The following CLCN3 variants were observed in gnomAD, a reference collection of about 807,000 sequenced individuals.
CLCN3 encodes the protein H(+)/Cl(-) exchange transporter 3.
Under a neutral mutation model 83.4 loss-of-function variants are expected in CLCN3, and 16 were observed. The observed-to-expected ratio is 0.19, with a 90% confidence interval of 0.13 to 0.29. The LOEUF (loss-of-function observed/expected upper bound fraction) is 0.29, where lower values mean the gene tolerates loss of function less well. Ranked by LOEUF, CLCN3 falls within the 10% of genes least tolerant of loss-of-function variation. The probability of loss-of-function intolerance (pLI) is 1.00; values close to 1 mark genes in which losing one functional copy is unlikely to be tolerated. For synonymous variants in CLCN3, 322 were observed against 346.2 expected, an observed-to-expected ratio of 0.93 and a Z score of 0.78; for missense variants, 544 against 1,006.0, an observed-to-expected ratio of 0.54 and a Z score of 6.21.
intron 7 of CLCN3, among the ~76,000 whole-genome samples, chr4:169,694,266 A>G (rs1005307963): frequency 1.3e-4 from 20 of 152,308 alleles, no homozygotes; most frequent in African/African-American, 4.8e-4. Flanking sequence ...CTCTGTATAT[A>G]TTTACTCAGT....
chr4:169,650,994 T>G (rs1057444486), intron 2 of CLCN3, among the ~76,000 whole-genome samples: 17 of 152,168 alleles, frequency 1.1e-4, no homozygotes, highest in Admixed American at 6.5e-4. Context: ...AAGTTGGTAT[T>G]AATAATAAAC....
chr4:169,680,249 ATT>A, intron 3 of CLCN3, 42 bp downstream of exon 3: 1 of 1,401,592 alleles, frequency 7.1e-7, no homozygotes, highest in Non-Finnish European at 9.9e-7. Context: ...ATAGTGCATA[ATT>A]AGATCTTTTA....
At chr4:169,622,724 A>G (rs559986455) in intron 1 of CLCN3, among the ~76,000 whole-genome samples, 2 of 152,280 alleles carry the variant, frequency 1.3e-5, no homozygotes, top group African/African-American at 2.4e-5. Flanking sequence ...AACTTGCCCT[A>G]CAGTAACTGT....
chr4:169,632,716 CAAAAAAAAAA>C (rs559919032), intron 1 of CLCN3, among the ~76,000 whole-genome samples: 7 of 32,280 alleles, frequency 2.2e-4, no homozygotes, highest in Non-Finnish European at 3.8e-4. Flanking sequence ...GACTCCATCT[CAAAAAAAAAA>C]AAAAAAAAAA....
intron 7 of CLCN3, among the ~76,000 whole-genome samples, chr4:169,694,486 C>T (rs1732492039): frequency 6.6e-6 from 1 of 152,112 alleles, no homozygotes; most frequent in Non-Finnish European, 1.5e-5. Flanking sequence ...AACAATTGAC[C>T]ATTTGAAGAA....
chr4:169,621,200 G>C (rs761892966), intron 1 of CLCN3, 137 bp downstream of exon 1: 1 of 316,974 alleles, frequency 3.2e-6, no homozygotes, highest in Non-Finnish European at 5.7e-6. Context: ...CGTGAATTGG[G>C]ATGCTAACCC....
chr4:169,663,527 G>A (rs773886409), intron 2 of CLCN3: 17 of 288,648 alleles, frequency 5.9e-5, no homozygotes, highest in South Asian at 4.5e-4. Flanking sequence ...TTTTTTTTAG[G>A]GAGAGTCTCA....
chr4:169,672,411 A>G (rs1731504236), intron 2 of CLCN3, among the ~76,000 whole-genome samples: 1 of 152,024 alleles, frequency 6.6e-6, no homozygotes, highest in African/African-American at 2.4e-5. Flanking sequence ...AAGTGCTGGG[A>G]TTACAGGTGT....
chr4:169,641,140 A>G (rs1730402267), intron 2 of CLCN3, among the ~76,000 whole-genome samples: 1 of 152,186 alleles, frequency 6.6e-6, no homozygotes, highest in African/African-American at 2.4e-5. Flanking sequence ...CTGTAGTCCC[A>G]GCTGCTTGGG....
At chr4:169,638,060 A>G (rs1175422932) in intron 2 of CLCN3, among the ~76,000 whole-genome samples, 1 of 152,138 alleles carries the variant, frequency 6.6e-6, no homozygotes, top group Non-Finnish European at 1.5e-5. Context: ...CATAATCACC[A>G]ATATGTTTGG....
rs1162235231 is a variant in CLCN3 at position 169,642,325 on chromosome 4, A to G, written c.160+6237A>G. ...AAGAACCTGTTTAGTTAAATGATTC[A>G]AAGTGTTTATAAAACAAAAACCTAA... On this transcript the variant is annotated intron_variant, in intron 2 of 12. Coordinates refer to ENST00000513761, the MANE Select transcript of CLCN3 (RefSeq NM_001829.4). Among the ~76,000 whole-genome samples the G allele has an allele frequency of 3.9e-5, 6 of 152,186 alleles. No individual in the cohort carries two copies. In the East Asian group the frequency reaches 1.2e-3, roughly 29 times the overall value.
At chr4:169,659,058 G>T (rs1214514851) in intron 2 of CLCN3, among the ~76,000 whole-genome samples, 1 of 151,970 alleles carries the variant, frequency 6.6e-6, no homozygotes, top group African/African-American at 2.4e-5. Flanking sequence ...AGTTCGAGTG[G>T]ACCTTAGAGA....
intron 2 of CLCN3, among the ~76,000 whole-genome samples, chr4:169,668,043 A>ATTTTTTTTTTTTTTTTTT (rs60739106): frequency 2.4e-5 from 2 of 82,342 alleles, no homozygotes; most frequent in African/African-American, 4.8e-5. Context: ...CCGGCCAGAC[A>ATTTTTTTTTTTTTTTTTT]TTTTTTTTTT....
At chr4:169,669,567 G>A (rs192708365) in intron 2 of CLCN3, among the ~76,000 whole-genome samples, 1 of 152,310 alleles carries the variant, frequency 6.6e-6, no homozygotes, top group East Asian at 1.9e-4. Context: ...AAATGTGCAT[G>A]TGCATTTAAT....
At chr4:169,681,199 C>T (rs1433812348) in intron 3 of CLCN3, among the ~76,000 whole-genome samples, 1 of 152,154 alleles carries the variant, frequency 6.6e-6, no homozygotes, top group Non-Finnish European at 1.5e-5. Flanking sequence ...AGGTGTGTGC[C>T]ATCATGCCAA....
chr4:169,654,368 C>T (rs1336599718), intron 2 of CLCN3, among the ~76,000 whole-genome samples: 3 of 151,366 alleles, frequency 2.0e-5, no homozygotes, highest in African/African-American at 7.3e-5. Flanking sequence ...CTTTTTTGTT[C>T]TTTTCTATTA....
chr4:169,660,566 T>A, intron 2 of CLCN3: 1 of 596,976 alleles, frequency 1.7e-6, no homozygotes, highest in Non-Finnish European at 2.5e-6. Flanking sequence ...GTTGTTTAGT[T>A]GCCCTGGGTT....
intron 2 of CLCN3, among the ~76,000 whole-genome samples, chr4:169,656,226 A>G (rs1290283090): frequency 6.6e-6 from 1 of 152,200 alleles, no homozygotes; most frequent in East Asian, 1.9e-4. Context: ...GTAATTTATA[A>G]AGAAAAGAGA....
chr4:169,695,475 C>G (rs1581260250), intron 7 of CLCN3, 137 bp from the exon 8 acceptor site: 1 of 665,678 alleles, frequency 1.5e-6, no homozygotes, highest in Non-Finnish European at 2.6e-6. Context: ...GAATAGTTAC[C>G]CTTTGCTTAG....
Sources: gnomAD v4.1 joint callset for allele counts (sites outside exome capture counted in the v4.1 genomes callset) on GRCh38, gnomAD v4.1.1 for gene constraint, MANE v1.5 for transcripts, NCBI Gene and HGNC (gene_info 2026-07-23, HGNC 2026-07-21) for gene names.